CACNA2D3: variants seen among roughly 807,000 people sequenced by gnomAD.
CACNA2D3 encodes calcium voltage-gated channel auxiliary subunit alpha2delta 3.
CACNA2D3 carries 60 observed loss-of-function variants against 160.6 expected under a neutral mutation model. That is an observed-to-expected ratio of 0.37 (90% CI 0.30 to 0.46). The LOEUF is 0.46. Among genes scored for constraint, CACNA2D3 ranks in the 20% least tolerant of loss-of-function variants. CACNA2D3 has a pLI of 1.00. For synonymous variants in CACNA2D3, 558 were observed against 492.9 expected (o/e 1.13, Z -1.75); for missense variants, 1,205 against 1,365.0 (o/e 0.88, Z 1.85).
intron 11 of CACNA2D3, among the ~76,000 whole-genome samples, chr3:54,722,992 A>G (rs539009668): frequency 6.6e-6 from 1 of 152,182 alleles, no homozygotes; most frequent in East Asian, 1.9e-4. Flanking sequence ...AGCTGCACCC[A>G]TAGCCGCCCC....
chr3:54,809,168 T>G (rs1703215873), intron 13 of CACNA2D3, among the ~76,000 whole-genome samples: 1 of 151,950 alleles, frequency 6.6e-6, no homozygotes, highest in South Asian at 2.1e-4. Flanking sequence ...GCCCTCCTTC[T>G]TTCATTGCTT....
chr3:54,835,735 C>T (rs1489009659), intron 14 of CACNA2D3, among the ~76,000 whole-genome samples: 1 of 152,206 alleles, frequency 6.6e-6, no homozygotes, highest in Non-Finnish European at 1.5e-5. Flanking sequence ...GGGGCTTGAA[C>T]AGGCTACGAA....
chr3:55,004,543 T>C (rs3732747), intron 31 of CACNA2D3, among the ~76,000 whole-genome samples: 31,182 of 152,184 alleles, frequency 0.2, 3,317 homozygotes, highest in Admixed American at 0.26. Context: ...CCCTTTCCAA[T>C]ACCTTCGTTC....
At chr3:54,605,453 A>G (rs796401177) in intron 9 of CACNA2D3, among the ~76,000 whole-genome samples, 3 of 152,262 alleles carry the variant, frequency 2.0e-5, no homozygotes, top group African/African-American at 7.2e-5. Flanking sequence ...CATTTCAGAC[A>G]TGCAATGACT....
At chr3:54,903,087 C>T (rs1301592423) in intron 27 of CACNA2D3, among the ~76,000 whole-genome samples, 4 of 152,184 alleles carry the variant, frequency 2.6e-5, no homozygotes, top group South Asian at 2.1e-4. Context: ...CAGGGGTACA[C>T]GTGCACGTTT....
intron 35 of CACNA2D3, among the ~76,000 whole-genome samples, chr3:55,019,197 A>G (rs1331903811): frequency 6.6e-6 from 1 of 151,690 alleles, no homozygotes; most frequent in African/African-American, 2.4e-5. Flanking sequence ...CTATATATCA[A>G]TACCGTATCT....
Position 54,122,636 on chromosome 3 carries a change from C to A in CACNA2D3, c.-78C>A. On this transcript the variant is annotated 5_prime_UTR_variant, in exon 1 of 38. Coordinates refer to ENST00000474759, the MANE Select transcript of CACNA2D3 (RefSeq NM_018398.3). ...AGCGGAGCAGGCAGCCCCGCGCGCT[C>A]GCCCACCGCCCGCTCCGCGCAGCTC... The A allele has an allele frequency of 4.2e-6, 4 of 955,978 alleles. No homozygotes were observed. Among genetic ancestry groups the A allele is most frequent in the Non-Finnish European group, 5.0e-6 (4 of 805,082 alleles). 59.2% of individuals were successfully genotyped at this position (955,978 alleles called of 1,614,324 possible).
chr3:54,930,335 C>T (rs558337854), intron 27 of CACNA2D3, among the ~76,000 whole-genome samples: 1 of 152,254 alleles, frequency 6.6e-6, no homozygotes, highest in Non-Finnish European at 1.5e-5. Flanking sequence ...TCTTTAAGGC[C>T]TTCTTATGTC....
rs867892789 is a variant in CACNA2D3 at position 54,677,620 on chromosome 3, T to G, written c.1167+35379T>G. Among the ~76,000 whole-genome samples, 580 of 143,420 alleles carry G rather than the reference T, an allele frequency of 4.0e-3. 2 individuals are homozygous for G. The highest frequency in any genetic ancestry group is 0.011 in the Middle Eastern group (3 of 282). 94.1% of individuals were successfully genotyped at this position (143,420 alleles called of 152,430 possible). A position where few individuals can be genotyped will look rare whatever the true frequency, so the allele number is the denominator to read the frequency against. ...ATTTGAATAGTTTTTGTTTTTTTTT[T>G]GGGGGGGGGGCAACGTACTTACTCG... On this transcript the variant is annotated intron_variant, in intron 11 of 37. Coordinates refer to ENST00000474759, the MANE Select transcript of CACNA2D3 (RefSeq NM_018398.3).
intron 35 of CACNA2D3, among the ~76,000 whole-genome samples, chr3:55,030,882 C>G (rs566847715): frequency 6.6e-6 from 1 of 152,258 alleles, no homozygotes; most frequent in East Asian, 1.9e-4. Flanking sequence ...TTATAAATTA[C>G]TGTTTTCCCT....
chr3:54,267,693 G>A (rs1702545704), intron 2 of CACNA2D3, among the ~76,000 whole-genome samples: 1 of 152,144 alleles, frequency 6.6e-6, no homozygotes, highest in Non-Finnish European at 1.5e-5. Flanking sequence ...AGCTTTTCTT[G>A]TGCTATATAT....
intron 9 of CACNA2D3, among the ~76,000 whole-genome samples, chr3:54,582,988 C>T (rs968955084): frequency 2.3e-4 from 35 of 152,160 alleles, no homozygotes; most frequent in Admixed American, 1.6e-3. Flanking sequence ...ACCAAGTACA[C>T]TGAAGTTCAA....
At chr3:54,692,834 G>A (rs562992627) in intron 11 of CACNA2D3, among the ~76,000 whole-genome samples, 56 of 152,274 alleles carry the variant, frequency 3.7e-4, no homozygotes, top group African/African-American at 1.3e-3. Context: ...CTCTGCCTTG[G>A]CAATTCTGTT....
At chr3:54,426,602 C>T (rs1337191659) in intron 4 of CACNA2D3, among the ~76,000 whole-genome samples, 1 of 152,202 alleles carries the variant, frequency 6.6e-6, no homozygotes, top group Non-Finnish European at 1.5e-5. Flanking sequence ...CTGGCTCTGT[C>T]ATTAATCCTT....
At chr3:54,668,950 C>G (rs953352044) in intron 11 of CACNA2D3, among the ~76,000 whole-genome samples, 2 of 152,254 alleles carry the variant, frequency 1.3e-5, no homozygotes, top group Non-Finnish European at 1.5e-5. Context: ...GGAACACATA[C>G]ACCTTCCAGA....
chr3:54,188,894 A>C (rs892931746), intron 2 of CACNA2D3, among the ~76,000 whole-genome samples: 6 of 152,154 alleles, frequency 3.9e-5, no homozygotes, highest in African/African-American at 9.7e-5. Flanking sequence ...CCCCTCTGAT[A>C]CCATTTGTGG....
rs374704099 is a variant in CACNA2D3, at chr3:54,344,576, T to C, written c.321+24018T>C. 1.4e-4 allele frequency among the ~76,000 whole-genome samples: 22 copies of C among 152,312 alleles called. No homozygotes were observed. The East Asian group carries it at 3.1e-3, about 21-fold the overall frequency. On this transcript the variant is annotated intron_variant, in intron 3 of 37. Coordinates refer to ENST00000474759, the MANE Select transcript of CACNA2D3 (RefSeq NM_018398.3). The stretch of plus-strand genomic sequence containing the variant: ...ATTCCTCAGGCAACTTTTCTCTAGG[T>C]GGAGACAGACTCACAGGACCTGGCT...
intron 4 of CACNA2D3, among the ~76,000 whole-genome samples, chr3:54,429,358 T>C (rs1051628507): frequency 1.3e-5 from 2 of 152,212 alleles, no homozygotes; most frequent in Admixed American, 6.5e-5. Flanking sequence ...GCAGTTTTTT[T>C]CCTTTCCTTT....
At chr3:54,655,780 G>A (rs534683856) in intron 11 of CACNA2D3, among the ~76,000 whole-genome samples, 1 of 152,164 alleles carries the variant, frequency 6.6e-6, no homozygotes, top group Non-Finnish European at 1.5e-5. Flanking sequence ...AGAAACAAGA[G>A]CCTGTCTGTA....
Sources: allele counts gnomAD v4.1 joint callset (sites outside exome capture counted in the v4.1 genomes callset), GRCh38; gene constraint gnomAD v4.1.1; transcripts MANE v1.5; gene names NCBI Gene and HGNC (gene_info 2026-07-23, HGNC 2026-07-21).